The following INSC variants were observed in gnomAD, a reference collection of about 807,000 sequenced individuals.
INSC encodes the protein INSC spindle orientation adaptor protein.
A neutral mutation model predicts 58.6 loss-of-function variants in INSC; 67 were observed. The ratio of observed to expected loss-of-function variants is 1.14; its 90% CI spans 0.94 to 1.40. INSC has a LOEUF of 1.40. Among genes scored for constraint, INSC ranks in the 40% most tolerant of loss-of-function variants. The pLI is 0.00. For synonymous variants in INSC, 262 were observed against 276.1 expected (o/e 0.95, Z 0.51); for missense variants, 714 against 692.0 (o/e 1.03, Z -0.36).
intron 1 of INSC, among the ~76,000 whole-genome samples, chr11:15,143,993 C>A (rs948557211): frequency 6.6e-6 from 1 of 152,192 alleles, no homozygotes; most frequent in African/African-American, 2.4e-5. Flanking sequence ...TCCTTTCAGT[C>A]TCAAGCTCCT....
intron 8 of INSC, among the ~76,000 whole-genome samples, chr11:15,225,446 G>A (rs6486229): frequency 0.1 from 15,359 of 152,056 alleles, 1,549 homozygotes; most frequent in African/African-American, 0.26. Context: ...GGAGTGAGTA[G>A]AATTACATAC....
intron 9 of INSC, among the ~76,000 whole-genome samples, chr11:15,235,401 G>A (rs1170994569): frequency 3.9e-5 from 6 of 152,182 alleles, no homozygotes; most frequent in African/African-American, 1.4e-4. Flanking sequence ...TGATAAATGG[G>A]CATTAGTCAC....
intron 1 of INSC, among the ~76,000 whole-genome samples, chr11:15,126,844 A>G (rs190297535): frequency 1.4e-3 from 217 of 152,350 alleles, no homozygotes; most frequent in African/African-American, 5.1e-3. Flanking sequence ...AGACAAAAGC[A>G]GGGTGTTAGG....
chr11:15,158,947 C>G (rs75285167), intron 2 of INSC, among the ~76,000 whole-genome samples: 25,603 of 142,830 alleles, frequency 0.18, 2,347 homozygotes, highest in African/African-American at 0.24. Flanking sequence ...TTTGTAGCCT[C>G]AGCTCCTAGA....
rs1851358036 is a variant in INSC, at chr11:15,219,553, A to G, written c.820-1924A>G. The stretch of plus-strand genomic sequence containing the variant: ...GCCTGGCAGCCAGGCCTTGGGTGGC[A>G]GCAGACCCTGGGGACCATCAAATCC... On this transcript the variant is annotated intron_variant, in intron 7 of 12. Coordinates refer to ENST00000379556, the MANE Select transcript of INSC (RefSeq NM_001042536.3). 2.0e-5 allele frequency among the ~76,000 whole-genome samples: 3 copies of G among 152,018 alleles called. No individual in the cohort carries two copies. The South Asian group carries it at 6.2e-4, about 32-fold the overall frequency.
chr11:15,124,434 T>C (rs1283439603), intron 1 of INSC, among the ~76,000 whole-genome samples: 1 of 152,176 alleles, frequency 6.6e-6, no homozygotes, highest in Admixed American at 6.5e-5. Context: ...TTCAGGTAGA[T>C]ATAAGATAGA....
chr11:15,221,645 G>T lies in INSC; in HGVS notation c.988G>T (p.Val330Phe), dbSNP rs765115884. 2.5e-6 allele frequency: 4 copies of T among 1,609,322 alleles called. No individual in the cohort carries two copies. The South Asian group carries it at 4.4e-5, about 18-fold the overall frequency. ...CATGGAGGAGATCGTGACAGCCCTC[G>T]TCAGTGAGTCACCCTGGGCAGCGGG... ...ESMEEIVTAL[V>F]KLCQEASSGE... The change falls in exon 8 of 13, where the codon GTC becomes TTC. Residue 330 changes from valine to phenylalanine, a missense_variant. Val to Phe is a conservative substitution (Grantham distance 50). Coordinates refer to ENST00000379556, the MANE Select transcript of INSC (RefSeq NM_001042536.3).
At position 15,200,354 on chromosome 11, in the gene INSC, G is replaced by T. The variant is rs1850535474; in HGVS notation, c.694-470G>T. ...CCTGCAGCAGTTGGAAGAATCTGAG[G>T]AATAGCATGGTGACTGTTGGCAGAG... is the stretch of plus-strand genomic sequence containing the variant. On this transcript the variant is annotated intron_variant, in intron 6 of 12. Transcript: ENST00000379556. 3.3e-5 allele frequency among the ~76,000 whole-genome samples: 5 copies of T among 152,252 alleles called. No homozygotes were observed. The Middle Eastern group carries it at 0.014, about 414-fold the overall frequency.
chr11:15,229,976 A>C, intron 9 of INSC, among the ~76,000 whole-genome samples: 1 of 14,866 alleles, frequency 6.7e-5, no homozygotes. Flanking sequence ...ATATATATAT[A>C]TATTATATAT....
upstream of INSC, among the ~76,000 whole-genome samples, chr11:15,114,514 G>A (rs900538937): frequency 6.6e-6 from 1 of 152,174 alleles, no homozygotes; most frequent in African/African-American, 2.4e-5. Flanking sequence ...CAAGGGAAAC[G>A]ATCGCGGCAC....
At chr11:15,229,824 G>A (rs1321275250) in intron 9 of INSC, among the ~76,000 whole-genome samples, 2 of 148,530 alleles carry the variant, frequency 1.3e-5, no homozygotes, top group Non-Finnish European at 3.0e-5. Context: ...TTGGGAGGTT[G>A]AGGCAGGCAG....
At position 15,235,693 on chromosome 11, in the gene INSC, G is replaced by A. The variant is rs773571357; in HGVS notation, c.1237+25G>A. ...GGTATGTCTTTGCAGCATTGTACAT[G>A]TTATGTGGATTATCTGGATGTAGGG... On this transcript the variant is annotated intron_variant, in intron 10 of 12. Transcript: ENST00000379556. 3.0e-5 allele frequency: 47 copies of A among 1,583,654 alleles called. No individual in the cohort carries two copies. The South Asian group carries it at 3.5e-4, about 12-fold the overall frequency.
intron 5 of INSC, among the ~76,000 whole-genome samples, chr11:15,188,789 A>C (rs1850063570): frequency 1.3e-5 from 2 of 152,254 alleles, no homozygotes; most frequent in South Asian, 4.1e-4. Context: ...CTTCAAGTGC[A>C]AACACTAATC....
At chr11:15,199,870 T>A (rs574319678) in intron 6 of INSC, among the ~76,000 whole-genome samples, 56 of 152,316 alleles carry the variant, frequency 3.7e-4, no homozygotes, top group African/African-American at 1.3e-3. Flanking sequence ...CCACTCTAAA[T>A]GCCCCAGTTA....
At chr11:15,175,027 A>T (rs145628403) in intron 2 of INSC, among the ~76,000 whole-genome samples, 72 of 152,358 alleles carry the variant, frequency 4.7e-4, no homozygotes, top group Non-Finnish European at 7.9e-4. Context: ...CTGTTGTACT[A>T]AATATAGTTA....
chr11:15,114,827 C>A, upstream of INSC: 1 of 566,492 alleles, frequency 1.8e-6, no homozygotes, highest in Non-Finnish European at 2.2e-6. Flanking sequence ...CCTTGGGAGG[C>A]TGCGACCGCC....
chr11:15,148,102 T>C (rs1463507699), intron 1 of INSC, among the ~76,000 whole-genome samples: 1 of 152,184 alleles, frequency 6.6e-6, no homozygotes, highest in Non-Finnish European at 1.5e-5. Flanking sequence ...GGTGGGTAGC[T>C]GGTTTGGGTT....
chr11:15,234,773 C>A (rs1318942639), intron 9 of INSC, among the ~76,000 whole-genome samples: 1 of 152,112 alleles, frequency 6.6e-6, no homozygotes, highest in Non-Finnish European at 1.5e-5. Flanking sequence ...GTGCCATGTT[C>A]CCAATCTATT....
chr11:15,230,016 A>AT (rs1554927003), intron 9 of INSC, among the ~76,000 whole-genome samples: 3 of 39,732 alleles, frequency 7.6e-5, no homozygotes, highest in African/African-American at 3.9e-4. Flanking sequence ...TATATATAAT[A>AT]TATATATATA....
Sources: allele counts gnomAD v4.1 joint callset (sites outside exome capture counted in the v4.1 genomes callset), GRCh38; gene constraint gnomAD v4.1.1; transcripts MANE v1.5; gene names NCBI Gene and HGNC (gene_info 2026-07-23, HGNC 2026-07-21).